The following CUL2 variants were observed in gnomAD, a reference collection of about 807,000 sequenced individuals.
The protein encoded by CUL2 is cullin 2.
In CUL2, 22 loss-of-function variants were observed where a neutral mutation model predicts 110.2. The ratio of observed to expected loss-of-function variants is 0.20; its 90% CI spans 0.14 to 0.28. CUL2 has a LOEUF of 0.28. CUL2 is among the 10% of genes least tolerant of loss of function. The probability of loss-of-function intolerance (pLI) is 1.00; values close to 1 mark genes in which losing one functional copy is unlikely to be tolerated. For missense variants in CUL2, 631 were observed against 905.5 expected (o/e 0.70, Z 3.89); for synonymous variants, 279 against 293.2 (o/e 0.95, Z 0.49).
chr10:35,041,317 A>G (rs111818410), intron 8 of CUL2, among the ~76,000 whole-genome samples: 6,176 of 152,238 alleles, frequency 0.041, 404 homozygotes, highest in African/African-American at 0.14. Context: ...AGAGAGGCGC[A>G]TATCAAGAGA....
chr10:35,061,027 A>T, intron 3 of CUL2, 59 bp from the exon 4 acceptor site: 1 of 1,500,250 alleles, frequency 6.7e-7, no homozygotes, highest in Admixed American at 2.0e-5. Context: ...CACTGTCAAC[A>T]ATAAAATGTA....
At chr10:35,015,099 G>A (rs1247111664) in intron 18 of CUL2, among the ~76,000 whole-genome samples, 1 of 152,010 alleles carries the variant, frequency 6.6e-6, no homozygotes, top group Non-Finnish European at 1.5e-5. Context: ...AGCCTGACCA[G>A]CCTGGCCAAC....
intron 1 of CUL2, among the ~76,000 whole-genome samples, chr10:35,121,717 G>C (rs1262516229): frequency 2.0e-5 from 3 of 151,976 alleles, no homozygotes; most frequent in Non-Finnish European, 2.9e-5. Context: ...AGCTGAGGTG[G>C]GAGGATTGCT....
At chr10:35,092,030 G>A (rs986187789), upstream of CUL2, among the ~76,000 whole-genome samples, 9 of 152,166 alleles carry the variant, frequency 5.9e-5, no homozygotes, top group Non-Finnish European at 1.2e-4. Context: ...ATAGCTCACT[G>A]CGGCCTCAAA....
At chr10:35,076,121 T>C (rs1229261719) in intron 1 of CUL2, among the ~76,000 whole-genome samples, 1 of 152,154 alleles carries the variant, frequency 6.6e-6, no homozygotes, top group Non-Finnish European at 1.5e-5. Context: ...ATACACACTA[T>C]CACATGGATG....
chr10:35,099,241 A>G (rs1316151734), intron 2 of CUL2, among the ~76,000 whole-genome samples: 1 of 152,074 alleles, frequency 6.6e-6, no homozygotes, highest in Admixed American at 6.6e-5. Flanking sequence ...ATACAAAAAA[A>G]TTAGCTGGGC....
chr10:35,035,555 G>T (rs2085600751), intron 9 of CUL2, among the ~76,000 whole-genome samples: 1 of 152,100 alleles, frequency 6.6e-6, no homozygotes, highest in Admixed American at 6.5e-5. Context: ...TTAATACAGT[G>T]TACTGTATTT....
At chr10:35,074,560 C>T (rs1241803307) in intron 1 of CUL2, among the ~76,000 whole-genome samples, 1 of 152,158 alleles carries the variant, frequency 6.6e-6, no homozygotes, top group African/African-American at 2.4e-5. Context: ...GGCTCGAGTG[C>T]ACTGCAACCT....
intron 2 of CUL2, among the ~76,000 whole-genome samples, chr10:35,097,682 TG>T (rs2087318280): frequency 6.6e-6 from 1 of 152,042 alleles, no homozygotes; most frequent in Admixed American, 6.6e-5. Context: ...AAATTCCTGC[TG>T]GGCACAGTGG....
chr10:35,064,944 T>G (rs1384104739), intron 2 of CUL2, among the ~76,000 whole-genome samples: 2 of 152,116 alleles, frequency 1.3e-5, no homozygotes, highest in Non-Finnish European at 2.9e-5. Context: ...ACAGGGAGAC[T>G]CTCCCATTTC....
chr10:35,035,187 G>C lies in CUL2; in HGVS notation c.987C>G (p.Asn329Lys). Residue 329 changes from asparagine to lysine, a missense_variant, in exon 10 of 21, where the codon AAC becomes AAG. Coordinates refer to ENST00000374749, the MANE Select transcript of CUL2 (RefSeq NM_003591.4). ...CACAACTCACGTTTTCCTGAGTAAG[G>C]TTGCTGGTTGCTCGAAGGCCCTCAT... The part of the protein sequence containing the change: ...IHDEGLRATS[N>K]LTQENMPTLF... 1 of 1,614,156 alleles carries C rather than the reference G, an allele frequency of 6.2e-7. No individual in the cohort carries two copies. The highest frequency in any genetic ancestry group is 8.5e-7 in the Non-Finnish European group (1 of 1,180,014).
upstream of CUL2, among the ~76,000 whole-genome samples, chr10:35,093,337 A>G (rs2087242736): frequency 1.3e-5 from 2 of 151,882 alleles, no homozygotes; most frequent in Admixed American, 1.3e-4. Context: ...AGAAGAACCC[A>G]TCTGGCCATT....
intron 1 of CUL2, among the ~76,000 whole-genome samples, chr10:35,078,056 T>A (rs534101875): frequency 6.6e-6 from 1 of 152,048 alleles, no homozygotes; most frequent in African/African-American, 2.4e-5. Context: ...AATATTTTCA[T>A]AAATTTAGGG....
intron 5 of CUL2, among the ~76,000 whole-genome samples, chr10:35,051,367 A>C (rs955225151): frequency 2.7e-5 from 4 of 150,682 alleles, no homozygotes; most frequent in Non-Finnish European, 5.9e-5. Context: ...TAATCCCAGC[A>C]CTTTGGGAGG....
chr10:35,120,973 T>C (rs561555968), intron 1 of CUL2, among the ~76,000 whole-genome samples: 3 of 151,880 alleles, frequency 2.0e-5, no homozygotes, highest in South Asian at 2.1e-4. Flanking sequence ...AATTCCCTTA[T>C]GTTTTATAGA....
At chr10:35,045,178 T>C (rs2085902076) in intron 6 of CUL2, among the ~76,000 whole-genome samples, 1 of 152,206 alleles carries the variant, frequency 6.6e-6, no homozygotes, top group South Asian at 2.1e-4. Context: ...TACGAGCCCA[T>C]CAATTCAAAA....
At chr10:35,037,535 T>C (rs1306119648) in intron 9 of CUL2, among the ~76,000 whole-genome samples, 2 of 152,164 alleles carry the variant, frequency 1.3e-5, no homozygotes, top group South Asian at 2.1e-4. Context: ...CCTGGATCTA[T>C]GAAATTAATG....
chr10:35,075,930 A>C (rs1477510322), intron 1 of CUL2, among the ~76,000 whole-genome samples: 2 of 152,088 alleles, frequency 1.3e-5, no homozygotes, highest in Non-Finnish European at 2.9e-5. Context: ...TATAAAGAGA[A>C]ATAAAACTCC....
intron 1 of CUL2, among the ~76,000 whole-genome samples, chr10:35,123,119 C>G (rs544349996): frequency 3.2e-4 from 49 of 151,822 alleles, no homozygotes; most frequent in African/African-American, 1.2e-3. Context: ...GCCAGGGTGA[C>G]AGAGTGAGAT....
Sources: allele counts gnomAD v4.1 joint callset (sites outside exome capture counted in the v4.1 genomes callset), GRCh38; gene constraint gnomAD v4.1.1; transcripts MANE v1.5; gene names NCBI Gene and HGNC (gene_info 2026-07-23, HGNC 2026-07-21).